Variants in AKAP13 observed in about 807,000 individuals in gnomAD.
The protein encoded by AKAP13 is A-kinase anchor protein 13.
Under a neutral mutation model 264.5 loss-of-function variants are expected in AKAP13, and 80 were observed. The ratio of observed to expected loss-of-function variants is 0.30; its 90% confidence interval spans 0.25 to 0.36. AKAP13 has a LOEUF of 0.36. AKAP13 is among the 10% of genes least tolerant of loss of function. The pLI is 1.00. For synonymous variants in AKAP13, 1,380 were observed against 1,250.2 expected (o/e 1.10, Z -2.19); for missense variants, 3,712 against 3,435.2 (o/e 1.08, Z -2.01).
intron 29 of AKAP13, 55 bp from the exon 30 acceptor site, chr15:85,730,458 T>G (rs2087923343): frequency 6.4e-7 from 1 of 1,567,312 alleles, no homozygotes; most frequent in Non-Finnish European, 8.7e-7. Context: ...GTCTTAGTCA[T>G]TCTCGTAATT....
intron 1 of AKAP13, among the ~76,000 whole-genome samples, chr15:85,479,147 A>T (rs1596302492): frequency 6.6e-6 from 1 of 152,316 alleles, no homozygotes; most frequent in Non-Finnish European, 1.5e-5. Context: ...GGCATCTTCA[A>T]CAGGAAAAGC....
intron 15 of AKAP13, among the ~76,000 whole-genome samples, chr15:85,684,109 G>T (rs1009949219): frequency 6.6e-6 from 1 of 152,142 alleles, no homozygotes; most frequent in African/African-American, 2.4e-5. Flanking sequence ...CAAGTACCCT[G>T]TCATTCTGCT....
At chr15:85,476,740 T>A (rs983127277) in intron 1 of AKAP13, among the ~76,000 whole-genome samples, 2 of 152,240 alleles carry the variant, frequency 1.3e-5, no homozygotes, top group Non-Finnish European at 2.9e-5. Flanking sequence ...GTTGGGGTCA[T>A]CAAATGATTC....
chr15:85,382,754 C>T (rs556607493), intron 1 of AKAP13, among the ~76,000 whole-genome samples: 2 of 152,266 alleles, frequency 1.3e-5, no homozygotes, highest in African/African-American at 4.8e-5. Flanking sequence ...CTGTGATAGA[C>T]CTTATTTAGC....
At chr15:85,618,000 A>AC (rs1451259535) in intron 8 of AKAP13, among the ~76,000 whole-genome samples, 1 of 152,338 alleles carries the variant, frequency 6.6e-6, no homozygotes, top group Non-Finnish European at 1.5e-5. Flanking sequence ...TGGTACCACT[A>AC]CAGAGCCAAG....
At chr15:85,699,163 G>A (rs1482697960) in intron 17 of AKAP13, among the ~76,000 whole-genome samples, 1 of 151,974 alleles carries the variant, frequency 6.6e-6, no homozygotes, top group African/African-American at 2.4e-5. Flanking sequence ...ACAAAAATAT[G>A]CCAGGGATGG....
At chr15:85,559,449 G>A (rs1013360592) in intron 5 of AKAP13, among the ~76,000 whole-genome samples, 4 of 151,968 alleles carry the variant, frequency 2.6e-5, no homozygotes, top group Non-Finnish European at 5.9e-5. Context: ...TGATTCAAGC[G>A]CATTACATTT....
chr15:85,733,551 C>T (rs989591504), intron 30 of AKAP13, among the ~76,000 whole-genome samples: 5 of 152,174 alleles, frequency 3.3e-5, no homozygotes, highest in Non-Finnish European at 2.9e-5. Context: ...ACTATTTTCC[C>T]TGTTCCCTTT....
intron 8 of AKAP13, among the ~76,000 whole-genome samples, chr15:85,621,014 C>G (rs1229586099): frequency 6.6e-6 from 1 of 152,158 alleles, no homozygotes; most frequent in East Asian, 1.9e-4. Flanking sequence ...TCATAGATGA[C>G]AGAAAGAACC....
chr15:85,702,986 A>T (rs2086019075), intron 17 of AKAP13, among the ~76,000 whole-genome samples: 1 of 152,238 alleles, frequency 6.6e-6, no homozygotes, highest in African/African-American at 2.4e-5. Context: ...TGCTTTAAAC[A>T]GATGTAAAAT....
intron 5 of AKAP13, among the ~76,000 whole-genome samples, chr15:85,567,941 G>GGTGTGT (rs57049395): frequency 0.058 from 8,182 of 141,822 alleles, 331 homozygotes; most frequent in East Asian, 0.16. Flanking sequence ...AGCCCAAAGA[G>GGTGTGT]GTGTGTGTGT....
In AKAP13 at chr15:85,533,837, G is replaced by A; in HGVS notation, c.435G>A (p.Leu145=). Residue 145 remains leucine, a synonymous_variant, in exon 4 of 37, where the codon CTG becomes CTA. Transcript: ENST00000394518. ...KLVLAFRHLK[L]PTEWNVLGTD... ...TGCTGGCATTCAGGCACCTGAAGCT[G>A]CCCACGGAGTGGAATGTATTGGGGA... 1 of 1,612,930 alleles carries A rather than the reference G, an allele frequency of 6.2e-7. No homozygotes were observed. The highest frequency in any genetic ancestry group is 1.3e-5 in the African/African-American group (1 of 75,006).
chr15:85,701,495 A>C (rs1160428934), intron 17 of AKAP13, among the ~76,000 whole-genome samples: 2 of 152,308 alleles, frequency 1.3e-5, no homozygotes, highest in African/African-American at 4.8e-5. Context: ...GCTGGAGTAC[A>C]GTGGCGCAAT....
intron 1 of AKAP13, among the ~76,000 whole-genome samples, chr15:85,458,384 T>C (rs1191957909): frequency 8.1e-6 from 1 of 123,650 alleles, no homozygotes; most frequent in African/African-American, 4.1e-5. Context: ...TTTGTATTTT[T>C]TGTTTTTTGT....
chr15:85,742,854 C>A (rs892369498), intron 35 of AKAP13, among the ~76,000 whole-genome samples: 1 of 152,072 alleles, frequency 6.6e-6, no homozygotes. Context: ...GCAGTTGTAG[C>A]TTTCTGCAGA....
rs549625160 is a variant in AKAP13 at position 85,573,802 on chromosome 15, A to G, written c.663-1329A>G. Among the ~76,000 whole-genome samples the G allele has an allele frequency of 4.3e-3, 651 of 152,146 alleles. 4 individuals carry two copies. The highest frequency in any genetic ancestry group is 0.015 in the African/African-American group (619 of 41,496). ...CAAGTAGAAAAATAGAAAAAAGTAGATATGTTTTTCTACTTTTAAGAAGGG... is the reference window on the plus strand; with the variant it reads ...CAAGTAGAAAAATAGAAAAAAGTAGGTATGTTTTTCTACTTTTAAGAAGGG... On this transcript the variant is annotated intron_variant, in intron 5 of 36. Transcript: ENST00000394518.
rs1019750958 is a variant in AKAP13, at chr15:85,651,916, G to A, written c.4375-3501G>A. Among the ~76,000 whole-genome samples the A allele has an allele frequency of 5.9e-5, 9 of 152,308 alleles. No individual in the cohort carries two copies. In the South Asian group the frequency reaches 8.3e-4, roughly 14 times the overall value. Reference sequence around the variant, plus strand: ...GTATAGGTTTAGTTTGCTAAGAAACGGATCTTTTCCCAAGCGGTTGTACCA... The same window carrying A: ...GTATAGGTTTAGTTTGCTAAGAAACAGATCTTTTCCCAAGCGGTTGTACCA... On this transcript the variant is annotated intron_variant, in intron 10 of 36. Coordinates refer to ENST00000394518, the MANE Select transcript of AKAP13 (RefSeq NM_007200.5).
chr15:85,562,538 C>T (rs2078418642), intron 5 of AKAP13, among the ~76,000 whole-genome samples: 2 of 130,012 alleles, frequency 1.5e-5, no homozygotes, highest in South Asian at 2.5e-4. Context: ...GCACTCCATC[C>T]TGGGTGACAG....
chr15:85,555,632 G>A (rs2078116130), intron 5 of AKAP13: 1 of 500,662 alleles, frequency 2.0e-6, no homozygotes, highest in African/African-American at 2.0e-5. Flanking sequence ...TCAGAAAAGT[G>A]TTCTTCTCTG....
Sources: allele counts gnomAD v4.1 joint callset (sites outside exome capture counted in the v4.1 genomes callset), GRCh38; gene constraint gnomAD v4.1.1; transcripts MANE v1.5; gene names NCBI Gene and HGNC (gene_info 2026-07-23, HGNC 2026-07-21).